The following RAD54B variants were observed in gnomAD, a reference collection of about 807,000 sequenced individuals.
The protein encoded by RAD54B is DNA repair and recombination protein RAD54B.
A neutral mutation model predicts 95.8 loss-of-function variants in RAD54B; 78 were observed. The observed-to-expected ratio is 0.81, with a 90% CI of 0.68 to 0.98. The LOEUF (loss-of-function observed/expected upper bound fraction) is 0.98. Ranked by LOEUF, RAD54B falls within the 50% of genes least tolerant of loss-of-function variation. The pLI, the probability that RAD54B is intolerant of heterozygous loss-of-function variation, is 0.00. For missense variants in RAD54B, 957 were observed against 1,056.6 expected, an observed-to-expected ratio of 0.91 and a Z score of 1.31; for synonymous variants, 328 against 354.9, an observed-to-expected ratio of 0.92 and a Z score of 0.85.
intron 11 of RAD54B, among the ~76,000 whole-genome samples, chr8:94,383,552 A>G (rs1487193890): frequency 6.6e-6 from 1 of 152,216 alleles, no homozygotes; most frequent in South Asian, 2.1e-4. Flanking sequence ...CTTTCACTAC[A>G]GTATACTGTT....
chr8:94,415,347 A>G (rs1293835457), intron 3 of RAD54B, among the ~76,000 whole-genome samples: 14 of 146,778 alleles, frequency 9.5e-5, no homozygotes, highest in Non-Finnish European at 1.8e-4. Flanking sequence ...CCTTCCTTAC[A>G]CCTTATACAA....
intron 3 of RAD54B, among the ~76,000 whole-genome samples, chr8:94,456,044 G>C (rs1269306866): frequency 6.6e-6 from 1 of 152,114 alleles, no homozygotes; most frequent in South Asian, 2.1e-4. Context: ...AAAGCCCAGG[G>C]TCAAAAGTAC....
chr8:94,394,291 T>C (rs1460048791), intron 8 of RAD54B, among the ~76,000 whole-genome samples: 3 of 152,212 alleles, frequency 2.0e-5, no homozygotes, highest in African/African-American at 4.8e-5. Context: ...AGTCAATCCA[T>C]ATAATATACT....
intron 3 of RAD54B, among the ~76,000 whole-genome samples, chr8:94,437,966 A>G (rs1812308139): frequency 1.3e-5 from 2 of 152,232 alleles, no homozygotes; most frequent in Admixed American, 1.3e-4. Flanking sequence ...GGAATAAATT[A>G]GAACATACTT....
At chr8:94,438,372 CCTTTCATTGT>C (rs1812320802) in intron 3 of RAD54B, among the ~76,000 whole-genome samples, 1 of 152,102 alleles carries the variant, frequency 6.6e-6, no homozygotes. Context: ...ATAGTTCTAC[CCTTTCATTGT>C]CTTTGAGCAG....
At position 94,453,486 on chromosome 8, in the gene RAD54B, G is replaced by A. The variant is rs185197260; in HGVS notation, c.304+4782C>T. ...AGAGGTTGCAGTGAGCCGAGATCAC[G>A]CCACTGCACTCCGGCCTGGGTGACA... On this transcript the variant is annotated intron_variant, in intron 3 of 14. Transcript: ENST00000336148. Among the ~76,000 whole-genome samples the A allele has an allele frequency of 3.2e-3, 489 of 152,110 alleles. 6 individuals carry two copies. Among genetic ancestry groups the A allele is most frequent in the African/African-American group, 0.011 (438 of 41,496 alleles).
rs535104173 is a variant in RAD54B, at chr8:94,429,515, T to C, written c.305-18200A>G. On this transcript the variant is annotated intron_variant, in intron 3 of 14. Transcript: ENST00000336148. ...ATTTAAATTGAACATTCATTATCAA[T>C]TCTTAGTAGCATGCTGAAACTGTAA... The C allele has an allele frequency of 5.1e-6, 5 of 984,742 alleles. No homozygotes were observed. The East Asian group carries it at 4.5e-4, about 89-fold the overall frequency. The allele number at this position is 984,742 out of a possible 1,614,324, so 61.0% of individuals were successfully genotyped here.
intron 11 of RAD54B, among the ~76,000 whole-genome samples, chr8:94,385,788 A>G (rs1312809238): frequency 1.3e-5 from 2 of 152,250 alleles, no homozygotes; most frequent in Non-Finnish European, 2.9e-5. Context: ...AAGAATGAGA[A>G]GCAGAGGTAA....
intron 10 of RAD54B, among the ~76,000 whole-genome samples, chr8:94,391,371 A>G (rs1267714080): frequency 1.3e-5 from 2 of 151,104 alleles, no homozygotes; most frequent in Admixed American, 1.3e-4. Context: ...GGCACAAACT[A>G]TAGAAGGCAG....
At chr8:94,458,686 G>C (rs1471491051) in intron 2 of RAD54B, among the ~76,000 whole-genome samples, 2 of 152,094 alleles carry the variant, frequency 1.3e-5, no homozygotes, top group African/African-American at 4.8e-5. Flanking sequence ...GGCCAACATG[G>C]TGAAACACTG....
intron 3 of RAD54B, among the ~76,000 whole-genome samples, chr8:94,415,579 C>A (rs1176046500): frequency 7.4e-6 from 1 of 135,010 alleles, no homozygotes; most frequent in East Asian, 2.3e-4. Flanking sequence ...AGTGAACAGG[C>A]AACCTACAAA....
At chr8:94,384,911 C>T (rs1374337884) in intron 11 of RAD54B, among the ~76,000 whole-genome samples, 2 of 152,116 alleles carry the variant, frequency 1.3e-5, no homozygotes, top group East Asian at 3.9e-4. Flanking sequence ...AGAGACCAGC[C>T]TGGGCAACAT....
chr8:94,372,668 T>C (rs937249336), intron 14 of RAD54B, among the ~76,000 whole-genome samples: 1 of 152,302 alleles, frequency 6.6e-6, no homozygotes, highest in South Asian at 2.1e-4. Context: ...AATAATCATC[T>C]GAAAAATGTA....
intron 4 of RAD54B, among the ~76,000 whole-genome samples, chr8:94,409,424 G>A (rs1403923322): frequency 2.0e-5 from 3 of 151,532 alleles, no homozygotes; most frequent in Non-Finnish European, 4.4e-5. Flanking sequence ...AGGCTGGAGT[G>A]CAGTGGCAGG....
intron 6 of RAD54B, among the ~76,000 whole-genome samples, chr8:94,401,453 GCTTT>G (rs1470831029): frequency 2.2e-4 from 33 of 152,084 alleles, no homozygotes; most frequent in African/African-American, 7.5e-4. Context: ...TTTTCTTCAT[GCTTT>G]CTTTTTTCTG....
At chr8:94,457,047 A>C (rs1393543956) in intron 3 of RAD54B, among the ~76,000 whole-genome samples, 1 of 152,234 alleles carries the variant, frequency 6.6e-6, no homozygotes, top group East Asian at 1.9e-4. Flanking sequence ...CTATGGTAGA[A>C]TACAAATAAA....
At chr8:94,374,808 A>G (rs766087180) in intron 14 of RAD54B, among the ~76,000 whole-genome samples, 5 of 152,198 alleles carry the variant, frequency 3.3e-5, no homozygotes, top group African/African-American at 1.2e-4. Flanking sequence ...ATATTTTAAT[A>G]TATTTATTTG....
Position 94,378,263 on chromosome 8 carries a change from T to C in RAD54B, c.2432A>G (p.Asn811Ser), listed in dbSNP as rs771688388. Reference sequence around the variant, plus strand: ...TGAACTTTCATGTAATGTGAACAAATTTTTAAGTTCTTCTACTGAAAACTG... The same window carrying C: ...TGAACTTTCATGTAATGTGAACAAACTTTTAAGTTCTTCTACTGAAAACTG... ...HIQFSVEELKNLFTLHESSDC... is the reference protein window; with the variant it reads ...HIQFSVEELKSLFTLHESSDC... Residue 811 changes from asparagine (N) to serine (S), a missense_variant, in exon 14 of 15, where the codon AAT becomes AGT. Coordinates refer to ENST00000336148, the MANE Select transcript of RAD54B (RefSeq NM_012415.3). 2.2e-5 allele frequency: 36 copies of C among 1,613,442 alleles called. No homozygotes were observed. Among genetic ancestry groups the C allele is most frequent in the Non-Finnish European group, 3.0e-5 (35 of 1,179,730 alleles).
intron 3 of RAD54B, among the ~76,000 whole-genome samples, chr8:94,425,888 T>C (rs1811929624): frequency 6.6e-6 from 1 of 152,056 alleles, no homozygotes; most frequent in Non-Finnish European, 1.5e-5. Flanking sequence ...TTGAATGCAC[T>C]TAAATATTAC....
Sources: gnomAD v4.1 joint callset for allele counts (sites outside exome capture counted in the v4.1 genomes callset) on GRCh38, gnomAD v4.1.1 for gene constraint, MANE v1.5 for transcripts, NCBI Gene and HGNC (gene_info 2026-07-23, HGNC 2026-07-21) for gene names.